Variants in EYA1 observed in about 807,000 individuals in gnomAD.
EYA1 encodes the protein protein phosphatase EYA1.
A neutral mutation model predicts 82.0 loss-of-function variants in EYA1; 16 were observed. The observed-to-expected ratio is 0.20, with a 90% CI of 0.13 to 0.30. The LOEUF (loss-of-function observed/expected upper bound fraction) is 0.30. Ranked by LOEUF, EYA1 falls within the 10% of genes least tolerant of loss-of-function variation. The probability of loss-of-function intolerance (pLI) is 1.00; values close to 1 mark genes in which losing one functional copy is unlikely to be tolerated. For synonymous variants in EYA1, 261 were observed against 264.4 expected (o/e 0.99, Z 0.12); for missense variants, 633 against 730.7 (o/e 0.87, Z 1.54).
At chr8:71,405,766 C>T (rs1031176998) in intron 2 of EYA1, among the ~76,000 whole-genome samples, 1 of 151,772 alleles carries the variant, frequency 6.6e-6, no homozygotes, top group Non-Finnish European at 1.5e-5. Context: ...TTTCCATATA[C>T]CCCTTACAAA....
intron 2 of EYA1, among the ~76,000 whole-genome samples, chr8:71,434,271 T>C (rs934907431): frequency 1.3e-5 from 2 of 152,216 alleles, no homozygotes; most frequent in African/African-American, 4.8e-5. Flanking sequence ...GTATCCAGCA[T>C]ACAATTTCAC....
intron 3 of EYA1, among the ~76,000 whole-genome samples, chr8:71,335,837 A>G (rs1020638375): frequency 1.3e-4 from 20 of 152,114 alleles, no homozygotes; most frequent in African/African-American, 4.8e-4. Context: ...ATAATGCCCC[A>G]TACACATAAA....
intron 10 of EYA1, among the ~76,000 whole-genome samples, chr8:71,271,229 C>A (rs916940968): frequency 6.6e-6 from 1 of 152,168 alleles, no homozygotes; most frequent in African/African-American, 2.4e-5. Context: ...GCGAAATAAG[C>A]ACATCATGGA....
intron 1 of EYA1, among the ~76,000 whole-genome samples, chr8:71,544,961 T>G (rs542103580): frequency 6.6e-6 from 1 of 152,366 alleles, no homozygotes; most frequent in South Asian, 2.1e-4. Flanking sequence ...CATTCCAGCC[T>G]TGTGTAATAT....
chr8:71,457,505 C>G (rs1320822151), intron 2 of EYA1, among the ~76,000 whole-genome samples: 1 of 152,118 alleles, frequency 6.6e-6, no homozygotes, highest in Admixed American at 6.5e-5. Context: ...AGACTTGGAA[C>G]CAACCCAAAT....
At chr8:71,466,441 T>G (rs939927246) in intron 2 of EYA1, among the ~76,000 whole-genome samples, 1 of 152,064 alleles carries the variant, frequency 6.6e-6, no homozygotes, top group Admixed American at 6.6e-5. Context: ...TTAACATGAG[T>G]GATATGAAGT....
chr8:71,223,012 A>G (rs963968854), intron 12 of EYA1, among the ~76,000 whole-genome samples: 5 of 152,128 alleles, frequency 3.3e-5, no homozygotes, highest in African/African-American at 9.7e-5. Context: ...ACAAGCCCCA[A>G]CGCTTCATGT....
intron 6 of EYA1, 152 bp from the exon 7 acceptor site, chr8:71,317,841 A>C (rs1272201417): frequency 1.3e-6 from 1 of 744,144 alleles, no homozygotes. Flanking sequence ...GAAATACCAT[A>C]AAGTACAACT....
At chr8:71,420,422 C>T (rs906339764) in intron 2 of EYA1, among the ~76,000 whole-genome samples, 1 of 152,054 alleles carries the variant, frequency 6.6e-6, no homozygotes, top group African/African-American at 2.4e-5. Context: ...TTTCACAATT[C>T]TTTTAAAAGA....
chr8:71,327,109 C>A (rs1823250561), intron 4 of EYA1, among the ~76,000 whole-genome samples: 1 of 152,180 alleles, frequency 6.6e-6, no homozygotes, highest in Non-Finnish European at 1.5e-5. Flanking sequence ...TTTACATACA[C>A]CAGCACTTAA....
intron 12 of EYA1, among the ~76,000 whole-genome samples, chr8:71,221,350 G>T (rs1809891212): frequency 1.3e-5 from 2 of 152,094 alleles, no homozygotes; most frequent in African/African-American, 4.8e-5. Context: ...AGGAACCCCG[G>T]GGGCTTAGTG....
intron 11 of EYA1, among the ~76,000 whole-genome samples, chr8:71,265,871 T>G (rs763582890): frequency 6.6e-6 from 1 of 152,236 alleles, no homozygotes; most frequent in Non-Finnish European, 1.5e-5. Context: ...ATCTTACTTG[T>G]TTTCCTCAGC....
intron 2 of EYA1, among the ~76,000 whole-genome samples, chr8:71,370,841 T>G (rs1196153020): frequency 6.6e-6 from 1 of 151,930 alleles, no homozygotes; most frequent in Non-Finnish European, 1.5e-5. Context: ...CCCAGGCAAG[T>G]CTCAAACTCC....
rs552362736 is a variant in EYA1 at position 71,392,167 on chromosome 8, G to A, written c.34-35656C>T. ...AGAATTTCTCTAAGTTTTAGTGGAG[G>A]GAACCTTCTGCTCCCACAGCTTCCC... On this transcript the variant is annotated intron_variant, in intron 2 of 18. Coordinates refer to the EYA1 transcript ENST00000643681. 5.9e-5 allele frequency among the ~76,000 whole-genome samples: 9 copies of A among 152,276 alleles called. No homozygotes were observed. The South Asian group carries it at 8.3e-4, about 14-fold the overall frequency.
intron 2 of EYA1, among the ~76,000 whole-genome samples, chr8:71,493,045 A>G (rs1396087444): frequency 2.6e-5 from 4 of 152,202 alleles, no homozygotes; most frequent in Non-Finnish European, 4.4e-5. Context: ...TTAATCTACT[A>G]AGGATAATGG....
At chr8:71,338,018 G>A (rs1824694672) in intron 3 of EYA1, among the ~76,000 whole-genome samples, 1 of 152,242 alleles carries the variant, frequency 6.6e-6, no homozygotes, top group Non-Finnish European at 1.5e-5. Context: ...GCTAGGTCCA[G>A]GGCCCATGCT....
At chr8:71,329,195 T>C (rs1043051442) in intron 4 of EYA1, among the ~76,000 whole-genome samples, 3 of 152,184 alleles carry the variant, frequency 2.0e-5, no homozygotes, top group Non-Finnish European at 4.4e-5. Context: ...TTTCATGTGT[T>C]CTCCAACCTC....
At chr8:71,316,762 G>A (rs1384514132) in intron 7 of EYA1, among the ~76,000 whole-genome samples, 4 of 152,134 alleles carry the variant, frequency 2.6e-5, no homozygotes. Flanking sequence ...CTATTAGGAG[G>A]CCAAATATGA....
At chr8:71,287,086 C>A (rs1351743821) in intron 9 of EYA1, among the ~76,000 whole-genome samples, 2 of 151,894 alleles carry the variant, frequency 1.3e-5, no homozygotes, top group African/African-American at 4.8e-5. Flanking sequence ...AGGCGTGAGA[C>A]ACCCCGCTTG....
Sources: gnomAD v4.1 joint callset for allele counts (sites outside exome capture counted in the v4.1 genomes callset) on GRCh38, gnomAD v4.1.1 for gene constraint, MANE v1.5 for transcripts, NCBI Gene and HGNC (gene_info 2026-07-23, HGNC 2026-07-21) for gene names.